CCT7: variants seen among roughly 807,000 people sequenced by gnomAD.
The protein encoded by CCT7 is T-complex protein 1 subunit eta.
Under a neutral mutation model 56.6 loss-of-function variants are expected in CCT7, and 16 were observed. The observed-to-expected ratio is 0.28, with a 90% CI of 0.19 to 0.43. The LOEUF (loss-of-function observed/expected upper bound fraction) is 0.43, where lower values mean the gene tolerates loss of function less well. Ranked by LOEUF, CCT7 falls within the 20% of genes least tolerant of loss-of-function variation. The pLI is 1.00. For synonymous variants in CCT7, 262 were observed against 254.8 expected (o/e 1.03, Z -0.27); for missense variants, 519 against 685.6 (o/e 0.76, Z 2.71).
At chr2:73,241,635 GCT>G (rs1687119101) in intron 3 of CCT7, among the ~76,000 whole-genome samples, 2 of 151,980 alleles carry the variant, frequency 1.3e-5, no homozygotes, top group Non-Finnish European at 2.9e-5. Context: ...TTCTTAGAAA[GCT>G]CTTTTTCTTT....
intron 10 of CCT7, among the ~76,000 whole-genome samples, chr2:73,250,679 G>A (rs1483114761): frequency 1.3e-5 from 2 of 151,992 alleles, no homozygotes; most frequent in African/African-American, 4.8e-5. Flanking sequence ...GCTCACACCT[G>A]TAATCCCAGC....
Position 73,234,335 on chromosome 2 carries a change from C to CG in CCT7, c.-42dup. On this transcript the variant is annotated 5_prime_UTR_variant, in exon 1 of 12. Coordinates refer to ENST00000258091, the MANE Select transcript of CCT7 (RefSeq NM_006429.4). ...TGTGGGTTGCTGGGCGGCCCGGTCT[C>CG]GGAGAAGAGGGGAGAGTGGCGGGCC... 6.2e-7 allele frequency: 1 copy of CG among 1,613,416 alleles called. No individual in the cohort carries two copies.
At chr2:73,234,406 C>T (rs201133012) in intron 1 of CCT7, 22 bp downstream of exon 1, 10 of 1,612,690 alleles carry the variant, frequency 6.2e-6, no homozygotes, top group Non-Finnish European at 8.5e-6. Context: ...CTCGCGCATC[C>T]GTCGCCATCA....
rs746131337 is a variant in CCT7, at chr2:73,252,637, T to A, written c.1411-3T>A. ...TACCTCCTTTCTTTTCCTACTCTTT[T>A]AGGGGGGTACATGGTATGGAGTAGA... On this transcript the variant is annotated splice_region_variant and splice_polypyrimidine_tract_variant and intron_variant, in intron 11 of 11. Coordinates refer to ENST00000258091, the MANE Select transcript of CCT7 (RefSeq NM_006429.4). 8 of 1,611,788 alleles carry A rather than the reference T, an allele frequency of 5.0e-6. No homozygotes were observed. Among genetic ancestry groups the A allele is most frequent in the Non-Finnish European group, 6.8e-6 (8 of 1,177,950 alleles).
chr2:73,241,324 G>A (rs993110740), intron 3 of CCT7, among the ~76,000 whole-genome samples: 1 of 151,834 alleles, frequency 6.6e-6, no homozygotes, highest in Non-Finnish European at 1.5e-5. Context: ...GATTTGATTT[G>A]TTTTTGTCTT....
intron 1 of CCT7, chr2:73,237,602 A>G (rs1392636180): frequency 1.3e-5 from 2 of 152,162 alleles, no homozygotes; most frequent in Non-Finnish European, 2.9e-5. Flanking sequence ...TGCTGGGAGT[A>G]TAGAGAAGCC....
rs771576388 is a variant in CCT7 at position 73,249,943 on chromosome 2, A to G, written c.1070+27A>G. The G allele has an allele frequency of 6.1e-6, 9 of 1,475,816 alleles. No individual in the cohort carries two copies. The East Asian group carries it at 2.0e-4, about 33-fold the overall frequency. 91.4% of individuals were successfully genotyped at this position (1,475,816 alleles called of 1,614,324 possible). ...TGAGCCGTGGGCCCAGGCCGAGCTCACAAACCTGCCTGGGTCTGGTCTTCT... is the reference window on the plus strand; with the variant it reads ...TGAGCCGTGGGCCCAGGCCGAGCTCGCAAACCTGCCTGGGTCTGGTCTTCT... On this transcript the variant is annotated intron_variant, in intron 9 of 11. Coordinates refer to ENST00000258091, the MANE Select transcript of CCT7 (RefSeq NM_006429.4).
chr2:73,248,070 A>G (rs1687420625), intron 7 of CCT7, 144 bp downstream of exon 7: 2 of 724,042 alleles, frequency 2.8e-6, no homozygotes, highest in Non-Finnish European at 4.5e-6. Context: ...CCTTCTTTCC[A>G]TACTCTGTGT....
chr2:73,251,108 G>A, intron 10 of CCT7, 118 bp from the exon 11 acceptor site: 1 of 882,696 alleles, frequency 1.1e-6, no homozygotes, highest in Non-Finnish European at 1.8e-6. Context: ...TTGGGGCTTG[G>A]GATGGAGGAA....
chr2:73,236,832 G>A (rs866520749), intron 1 of CCT7, among the ~76,000 whole-genome samples: 5 of 152,308 alleles, frequency 3.3e-5, no homozygotes, highest in Middle Eastern at 3.4e-3. Context: ...CCAGCCTGCT[G>A]TTTCTTCAGG....
chr2:73,238,929 C>T lies in CCT7; in HGVS notation c.7-714C>T, dbSNP rs1185309863. ...AGCCCTTACGGGGATAGGGAATGTT[C>T]TGGAGACCAATGCAATATAGAAAGA... is the stretch of plus-strand genomic sequence containing the variant. On this transcript the variant is annotated intron_variant, in intron 1 of 11. Transcript: ENST00000258091. The T allele has an allele frequency of 2.6e-5, 4 of 152,210 alleles. No homozygotes were observed. In the East Asian group the frequency reaches 7.7e-4, roughly 29 times the overall value. 9.4% of individuals were successfully genotyped at this position (152,210 alleles called of 1,614,324 possible).
chr2:73,245,584 T>A (rs571028342), intron 6 of CCT7, among the ~76,000 whole-genome samples: 1 of 152,388 alleles, frequency 6.6e-6, no homozygotes, highest in East Asian at 1.9e-4. Context: ...CAGTAGTATC[T>A]GTCTGGAAAC....
rs1247741264 is a variant in CCT7, at chr2:73,240,519, C to T, written c.243C>T (p.Asp81=). ...ATCCTGCAGCAAAGACTTTGGTAGA[C>T]ATTGCCAAATCCCAAGATGCTGAGG... The part of the protein sequence containing the change: ...VVHPAAKTLV[D]IAKSQDAEVG... The change falls in exon 3 of 12, where the codon GAC becomes GAT. Residue 81 remains aspartate, a synonymous_variant. Coordinates refer to ENST00000258091, the MANE Select transcript of CCT7 (RefSeq NM_006429.4). 1.2e-6 allele frequency: 2 copies of T among 1,606,120 alleles called. No homozygotes were observed. Among genetic ancestry groups the T allele is most frequent in the Admixed American group, 3.4e-5 (2 of 59,186 alleles).
rs770726148 is a variant in CCT7, at chr2:73,252,804, G to A, written c.1575G>A (p.Ser525=). The change falls in exon 12 of 12, where the codon TCG becomes TCA. Residue 525 remains serine, a synonymous_variant. Transcript: ENST00000258091. ...ATGAAACCATCAAGAACCCCCGCTC[G>A]ACTGTGGATGCTCCCACAGCAGCAG... ...SVDETIKNPR[S]TVDAPTAAGR... 9.3e-6 allele frequency: 15 copies of A among 1,614,120 alleles called. No homozygotes were observed. The highest frequency in any genetic ancestry group is 1.7e-5 in the Admixed American group (1 of 60,018).
intron 7 of CCT7, 79 bp from the exon 8 acceptor site, chr2:73,248,912 G>A (rs994629227): frequency 2.3e-5 from 25 of 1,106,234 alleles, no homozygotes; most frequent in Admixed American, 2.2e-4. Flanking sequence ...TTTGGTGGGG[G>A]CAGATGGGTA....
chr2:73,241,352 C>G (rs866716811), intron 3 of CCT7, among the ~76,000 whole-genome samples: 1 of 151,472 alleles, frequency 6.6e-6, no homozygotes, highest in African/African-American at 2.4e-5. Context: ...GGAATAATGC[C>G]TTTTGGTCCA....
At position 73,249,822 on chromosome 2, in the gene CCT7, T is replaced by A. The variant is rs779482846; in HGVS notation, c.976T>A (p.Cys326Ser). The A allele has an allele frequency of 1.7e-5, 28 of 1,611,212 alleles. No individual in the cohort carries two copies. The highest frequency in any genetic ancestry group is 2.4e-5 in the Non-Finnish European group (28 of 1,177,322). Reference protein sequence around the residue: ...EEDLKRTMMACGGSIQTSVNA... With the variant: ...EEDLKRTMMASGGSIQTSVNA... Reference sequence around the variant, plus strand: ...TCTTGCCTTCCTTGCTCCCTAGGCCTGTGGAGGCTCAATCCAGACCAGTGT... The same window carrying A: ...TCTTGCCTTCCTTGCTCCCTAGGCCAGTGGAGGCTCAATCCAGACCAGTGT... Residue 326 changes from cysteine to serine, a missense_variant, in exon 9 of 12, where the codon TGT becomes AGT. Cys to Ser is a moderately radical substitution (Grantham distance 112). Around this residue, in one of 3 missense-constraint regions of CCT7, gnomAD observed 237 missense variants for 300.8 expected, o/e 0.79. Transcript: ENST00000258091.
intron 7 of CCT7, 32 bp from the exon 8 acceptor site, chr2:73,248,959 A>G (rs1687459505): frequency 6.3e-7 from 1 of 1,588,708 alleles, no homozygotes; most frequent in African/African-American, 1.3e-5. Context: ...CTTCACCCCA[A>G]AGCATTCTCA....
At chr2:73,240,900 CT>C (rs78602288) in intron 3 of CCT7, among the ~76,000 whole-genome samples, 8,182 of 134,916 alleles carry the variant, frequency 0.061, 292 homozygotes, top group Non-Finnish European at 0.087. Flanking sequence ...GCCTTTCTTT[CT>C]TTTTTTTTTT....
Sources: gnomAD v4.1 joint callset for allele counts (sites outside exome capture counted in the v4.1 genomes callset) on GRCh38, gnomAD v4.1.1 for gene constraint, gnomAD v4.1.1 regional missense constraint, MANE v1.5 for transcripts, NCBI Gene and HGNC (gene_info 2026-07-23, HGNC 2026-07-21) for gene names.